The following NCAM1 variants were observed in gnomAD, a reference collection of about 807,000 sequenced individuals.
The protein encoded by NCAM1 is antigen recognized by monoclonal antibody 5.1H11.
NCAM1 carries 14 observed loss-of-function variants against 109.8 expected under a neutral mutation model. That is an observed-to-expected ratio of 0.13 (90% CI 0.08 to 0.20). The LOEUF (loss-of-function observed/expected upper bound fraction) is 0.20, where lower values mean the gene tolerates loss of function less well. Ranked by LOEUF, NCAM1 falls within the 10% of genes least tolerant of loss-of-function variation. The pLI is 1.00. For synonymous variants in NCAM1, 418 were observed against 442.9 expected, an observed-to-expected ratio of 0.94 and a Z score of 0.70; for missense variants, 774 against 1,109.9, an observed-to-expected ratio of 0.70 and a Z score of 4.30.
At chr11:113,263,750 A>G in intron 17 of NCAM1, 1 of 985,480 alleles carries the variant, frequency 1.0e-6, no homozygotes. Context: ...TGACCCACAG[A>G]ATGGCTTTGA....
At chr11:113,142,507 G>A (rs546442959) in intron 1 of NCAM1, among the ~76,000 whole-genome samples, 1 of 152,274 alleles carries the variant, frequency 6.6e-6, no homozygotes, top group African/African-American at 2.4e-5. Context: ...ACACTGCCTA[G>A]GGGACAGGTA....
At chr11:113,177,743 A>C (rs2136537334) in intron 1 of NCAM1, among the ~76,000 whole-genome samples, 1 of 152,264 alleles carries the variant, frequency 6.6e-6, no homozygotes, top group South Asian at 2.1e-4. Flanking sequence ...AGAGAGCATC[A>C]TGTCTTTCCT....
At chr11:113,138,251 C>T (rs141859801) in intron 1 of NCAM1, among the ~76,000 whole-genome samples, 2 of 152,152 alleles carry the variant, frequency 1.3e-5, no homozygotes, top group African/African-American at 4.8e-5. Flanking sequence ...GGATGGGGAT[C>T]GAGTTTGAGA....
intron 1 of NCAM1, among the ~76,000 whole-genome samples, chr11:113,023,035 T>A (rs1458162456): frequency 6.6e-6 from 1 of 152,214 alleles, no homozygotes; most frequent in Non-Finnish European, 1.5e-5. Context: ...TGAGTAGCAG[T>A]ATACCTCACT....
Position 113,214,530 on chromosome 11 carries a change from G to A in NCAM1, c.1059+19G>A, listed in dbSNP as rs782127737. On this transcript the variant is annotated intron_variant, in intron 8 of 19. Transcript: ENST00000316851. ...AGAAAAGGTATCATGCTCCCCAGGA[G>A]TTTCAGGGCCTTGGAATGCAGACTC... is the stretch of plus-strand genomic sequence containing the variant. The A allele has an allele frequency of 1.3e-6, 2 of 1,587,232 alleles. No homozygotes were observed. The highest frequency in any genetic ancestry group is 2.7e-5 in the African/African-American group (2 of 74,392).
chr11:113,168,945 G>C (rs183158277), intron 1 of NCAM1, among the ~76,000 whole-genome samples: 11 of 152,160 alleles, frequency 7.2e-5, no homozygotes, highest in Admixed American at 2.6e-4. Flanking sequence ...CAGGACTAAA[G>C]AGGTCTTTAT....
rs1555125387 is a variant in NCAM1 at position 113,271,746 on chromosome 11, T to C, written c.2340-14T>C. On this transcript the variant is annotated splice_polypyrimidine_tract_variant and intron_variant, in intron 18 of 19. Coordinates refer to ENST00000316851, the MANE Select transcript of NCAM1 (RefSeq NM_181351.5). ...AGCTGCCCTAGGGTCTAACCAGCAG[T>C]ACTGTCTCCACAGGAAAGATGAGTC... 3.2e-6 allele frequency: 5 copies of C among 1,548,516 alleles called. No homozygotes were observed. Among genetic ancestry groups the C allele is most frequent in the African/African-American group, 2.7e-5 (2 of 72,890 alleles).
intron 1 of NCAM1, among the ~76,000 whole-genome samples, chr11:113,082,588 C>T (rs1424141898): frequency 4.6e-5 from 7 of 152,148 alleles, no homozygotes; most frequent in Non-Finnish European, 8.8e-5. Flanking sequence ...GGAAATCTTT[C>T]AAAGGAGTAG....
At chr11:113,198,341 G>A (rs1943918644) in intron 1 of NCAM1, among the ~76,000 whole-genome samples, 1 of 152,002 alleles carries the variant, frequency 6.6e-6, no homozygotes, top group African/African-American at 2.4e-5. Flanking sequence ...AGTTAACCAG[G>A]AGAGAAATGA....
chr11:113,174,616 C>T (rs1555106739), intron 1 of NCAM1, among the ~76,000 whole-genome samples: 1 of 152,204 alleles, frequency 6.6e-6, no homozygotes, highest in African/African-American at 2.4e-5. Context: ...GCTCATCTGA[C>T]CACCCATGGC....
chr11:113,106,530 A>C (rs1400113048), intron 1 of NCAM1, among the ~76,000 whole-genome samples: 1 of 152,232 alleles, frequency 6.6e-6, no homozygotes, highest in African/African-American at 2.4e-5. Flanking sequence ...GCTGAAGATA[A>C]AAAGTCCATT....
At chr11:113,120,582 GAT>G (rs1326306906) in intron 1 of NCAM1, among the ~76,000 whole-genome samples, 9 of 152,156 alleles carry the variant, frequency 5.9e-5, no homozygotes, top group African/African-American at 1.9e-4. Flanking sequence ...ATTATCCGAG[GAT>G]ATAAGGCTTG....
In NCAM1 at chr11:113,271,795, G is replaced by A. The variant is rs370372499; in HGVS notation, c.2375G>A (p.Arg792Gln). The change falls in exon 19 of 20, where the codon CGA (arginine) becomes CAA (glutamine). Residue 792 changes from arginine (R) to glutamine (Q), a missense_variant. This residue lies in a region of NCAM1 where 122 missense variants were observed against 129.7 expected (regional missense o/e 0.94). Coordinates refer to ENST00000316851, the MANE Select transcript of NCAM1 (RefSeq NM_181351.5). Reference protein sequence around the residue: ...DESKEPIVEVRTEEERTPNHD... With the variant: ...DESKEPIVEVQTEEERTPNHD... Reference sequence around the variant, plus strand: ...TCCAAGGAGCCCATCGTGGAGGTTCGAACGGAGGAGGAGAGGACCCCAAAC... The same window carrying A: ...TCCAAGGAGCCCATCGTGGAGGTTCAAACGGAGGAGGAGAGGACCCCAAAC... 26 of 1,565,800 alleles carry A rather than the reference G, an allele frequency of 1.7e-5. No homozygotes were observed. The highest frequency in any genetic ancestry group is 8.1e-5 in the African/African-American group (6 of 73,756).
intron 1 of NCAM1, among the ~76,000 whole-genome samples, chr11:113,159,023 A>G (rs1942510630): frequency 6.6e-6 from 1 of 152,200 alleles, no homozygotes; most frequent in African/African-American, 2.4e-5. Context: ...TAAAACGTAA[A>G]GCTCAGCATC....
At chr11:113,194,481 A>C (rs1943792092) in intron 1 of NCAM1, among the ~76,000 whole-genome samples, 1 of 152,204 alleles carries the variant, frequency 6.6e-6, no homozygotes, top group East Asian at 1.9e-4. Context: ...GCTTTATGAA[A>C]AATGATAGAT....
chr11:113,182,489 C>G (rs918731719), intron 1 of NCAM1, among the ~76,000 whole-genome samples: 81 of 152,302 alleles, frequency 5.3e-4, no homozygotes, highest in African/African-American at 1.9e-3. Context: ...TATAATTATT[C>G]CCCTTTGCAG....
At chr11:113,106,389 G>A (rs1565439893) in intron 1 of NCAM1, among the ~76,000 whole-genome samples, 1 of 152,206 alleles carries the variant, frequency 6.6e-6, no homozygotes, top group Non-Finnish European at 1.5e-5. Flanking sequence ...TTTCTGGGGA[G>A]TCTAACAGTT....
At chr11:113,102,765 T>G (rs1939932863) in intron 1 of NCAM1, among the ~76,000 whole-genome samples, 1 of 152,230 alleles carries the variant, frequency 6.6e-6, no homozygotes, top group Admixed American at 6.5e-5. Flanking sequence ...GACCATAGAT[T>G]AGCAGTTCCA....
rs145884205 is a variant in NCAM1 at position 112,970,501 on chromosome 11, C to T, written c.52+8837C>T. On this transcript the variant is annotated intron_variant, in intron 1 of 19. Transcript: ENST00000316851. ...CTTAATCAGTAGGAACACCTGTATGCGGGGAAAGGACACCATTGGGCTTAG... is the reference window on the plus strand; with the variant it reads ...CTTAATCAGTAGGAACACCTGTATGTGGGGAAAGGACACCATTGGGCTTAG... Among the ~76,000 whole-genome samples, 335 of 152,200 alleles carry T rather than the reference C, an allele frequency of 2.2e-3. 2 individuals are homozygous for T. The highest frequency in any genetic ancestry group is 7.2e-3 in the African/African-American group (300 of 41,536).
Sources: allele counts gnomAD v4.1 joint callset (sites outside exome capture counted in the v4.1 genomes callset), GRCh38; gene constraint gnomAD v4.1.1; regional missense constraint gnomAD v4.1.1; transcripts MANE v1.5; gene names NCBI Gene and HGNC (gene_info 2026-07-23, HGNC 2026-07-21).